The following KAZN variants were observed in gnomAD, a reference collection of about 807,000 sequenced individuals.
The protein encoded by KAZN is kazrin.
In KAZN, 40 loss-of-function variants were observed where a neutral mutation model predicts 87.4. The ratio of observed to expected loss-of-function variants is 0.46; its 90% CI spans 0.36 to 0.60. KAZN has a LOEUF of 0.60. KAZN is among the 20% of genes least tolerant of loss of function. KAZN has a pLI of 0.00. For missense variants in KAZN, 898 were observed against 1,073.9 expected, an observed-to-expected ratio of 0.84 and a Z score of 2.29; for synonymous variants, 466 against 458.3, an observed-to-expected ratio of 1.02 and a Z score of -0.22.
intron 1 of KAZN, among the ~76,000 whole-genome samples, chr1:14,155,636 TTTC>T (rs369190328): frequency 0.028 from 4,270 of 151,488 alleles, 175 homozygotes; most frequent in African/African-American, 0.092. Context: ...ATTTGGTATT[TTTC>T]TTCTTCTTCT....
chr1:14,352,473 A>C (rs1342534120), intron 2 of KAZN, among the ~76,000 whole-genome samples: 1 of 152,186 alleles, frequency 6.6e-6, no homozygotes, highest in Non-Finnish European at 1.5e-5. Context: ...TCATACTCTG[A>C]ACCCTATAAA....
At position 15,066,155 on chromosome 1, in the gene KAZN, GT is replaced by G. The variant is rs1002604422; in HGVS notation, c.1222+409del. The G allele has an allele frequency of 3.2e-4, 330 of 1,032,302 alleles. 1 individual carries two copies. The African/African-American group carries it at 5.1e-3, about 16-fold the overall frequency. 63.9% of individuals were successfully genotyped at this position (1,032,302 alleles called of 1,614,324 possible). A position where few individuals can be genotyped will look rare whatever the true frequency, so the allele number is the denominator to read the frequency against. ...GGTTCGTCGGTTTGTTTTTGTTTTT[GT>G]TTTTTTCCCCCTTTCTCCTCCCCTC... is the stretch of plus-strand genomic sequence containing the variant. On this transcript the variant is annotated intron_variant, in intron 8 of 14. Transcript: ENST00000376030. This position sits in a 1 kb window ranked among gnomAD's most constrained non-coding sequence, Gnocchi z 4.3.
chr1:13,934,516 A>G (rs1640647645), intron 1 of KAZN, among the ~76,000 whole-genome samples: 1 of 152,154 alleles, frequency 6.6e-6, no homozygotes, highest in Admixed American at 6.5e-5. Flanking sequence ...AATCTCCTTC[A>G]CTGATACCCA....
intron 1 of KAZN, among the ~76,000 whole-genome samples, chr1:13,953,149 C>T (rs1022555644): frequency 1.3e-5 from 2 of 152,044 alleles, no homozygotes; most frequent in Non-Finnish European, 2.9e-5. Flanking sequence ...TCAGAGCTTC[C>T]GCAGTTCTTC....
At chr1:14,801,208 G>A (rs1038874801) in intron 1 of KAZN, among the ~76,000 whole-genome samples, 1 of 152,108 alleles carries the variant, frequency 6.6e-6, no homozygotes, top group Non-Finnish European at 1.5e-5. Context: ...CCGTCTCAGG[G>A]TGTTTCAGCA....
chr1:14,169,565 T>C (rs1160540), intron 1 of KAZN, among the ~76,000 whole-genome samples: 18,721 of 152,142 alleles, frequency 0.12, 1,277 homozygotes, highest in East Asian at 0.33. Flanking sequence ...CAGGGGCTGA[T>C]TCCCAGTGAG....
intron 2 of KAZN, among the ~76,000 whole-genome samples, chr1:14,539,530 G>A (rs55759200): frequency 0.12 from 17,488 of 152,038 alleles, 1,224 homozygotes; most frequent in East Asian, 0.15. Flanking sequence ...GGAATTCTGC[G>A]TCCTCTCTCT....
intron 2 of KAZN, among the ~76,000 whole-genome samples, chr1:14,259,387 G>C (rs1318581553): frequency 6.6e-6 from 1 of 152,152 alleles, no homozygotes; most frequent in Non-Finnish European, 1.5e-5. Context: ...GCCGAGCTGG[G>C]ACGGCGGCCA....
intron 1 of KAZN, among the ~76,000 whole-genome samples, chr1:14,892,049 C>G (rs1030349440): frequency 6.6e-6 from 1 of 152,168 alleles, no homozygotes; most frequent in Non-Finnish European, 1.5e-5. Flanking sequence ...CCTCCTGCCT[C>G]TGGCCTCTGG....
chr1:14,580,430 G>A (rs1287350676), intron 2 of KAZN, among the ~76,000 whole-genome samples: 3 of 152,074 alleles, frequency 2.0e-5, no homozygotes, highest in Non-Finnish European at 2.9e-5. Context: ...AGCCGAGATC[G>A]TGCCATTGCA....
chr1:14,741,948 T>G (rs1401985189), intron 1 of KAZN, among the ~76,000 whole-genome samples: 1 of 152,120 alleles, frequency 6.6e-6, no homozygotes, highest in African/African-American at 2.4e-5. Context: ...GGTTGTTTTT[T>G]TTTGGGTTGT....
chr1:14,054,510 A>C (rs888734406), intron 1 of KAZN, among the ~76,000 whole-genome samples: 1 of 152,220 alleles, frequency 6.6e-6, no homozygotes, highest in Admixed American at 6.5e-5. Flanking sequence ...AAAACATTCT[A>C]TCTCAGTAAA....
Position 14,294,763 on chromosome 1 carries a change from C to T in KAZN, c.249+114171C>T, listed in dbSNP as rs1048707115. 9.9e-5 allele frequency among the ~76,000 whole-genome samples: 15 copies of T among 151,324 alleles called. No homozygotes were observed. The South Asian group carries it at 2.1e-3, about 21-fold the overall frequency. On this transcript the variant is annotated intron_variant, in intron 2 of 16. Transcript: ENST00000636203. ...CCAATATAAAATGCCTAAAACCCCA[C>T]GAATTCTATATATTTCACTCATGAG...
At chr1:15,022,364 C>T (rs1177031460) in intron 2 of KAZN, among the ~76,000 whole-genome samples, 1 of 152,218 alleles carries the variant, frequency 6.6e-6, no homozygotes, top group African/African-American at 2.4e-5. Context: ...GCATGGTTAA[C>T]CGGAGTTTTG....
chr1:14,257,666 T>A (rs1169257074), intron 2 of KAZN, among the ~76,000 whole-genome samples: 11 of 149,814 alleles, frequency 7.3e-5, no homozygotes. Context: ...AAGGAAGGGA[T>A]CCAGTTTCAG....
At chr1:13,918,125 C>T (rs537768005) in intron 1 of KAZN, among the ~76,000 whole-genome samples, 15 of 152,316 alleles carry the variant, frequency 9.8e-5, no homozygotes, top group East Asian at 3.9e-4. Context: ...TTAAGATGTA[C>T]GCTCTGTAAG....
chr1:15,116,599 T>C lies in KAZN; in HGVS notation c.*1964T>C, dbSNP rs980370639. On this transcript the variant is annotated 3_prime_UTR_variant, in exon 15 of 15. Transcript: ENST00000376030. ...CAGTCCACAGCTCAGAAAGGAGAGG[T>C]GAGACCTCCCTCCAACCTGGTGCCA... The C allele has an allele frequency of 1.7e-4, 26 of 152,158 alleles. No homozygotes were observed. The highest frequency in any genetic ancestry group is 5.8e-4 in the African/African-American group (24 of 41,494). 9.4% of individuals were successfully genotyped at this position (152,158 alleles called of 1,614,324 possible).
At chr1:14,956,298 T>TG (rs1220817941) in intron 1 of KAZN, among the ~76,000 whole-genome samples, 2 of 82,488 alleles carry the variant, frequency 2.4e-5, no homozygotes, top group East Asian at 5.2e-4. Context: ...CAGAAGTCAC[T>TG]GAAAAAAAAA....
intron 2 of KAZN, among the ~76,000 whole-genome samples, chr1:14,466,767 G>A (rs995202895): frequency 3.3e-5 from 5 of 151,960 alleles, no homozygotes; most frequent in East Asian, 3.9e-4. Flanking sequence ...AGGAGATGGA[G>A]ACCATCCTGG....
Sources: allele counts gnomAD v4.1 joint callset (sites outside exome capture counted in the v4.1 genomes callset), GRCh38; gene constraint gnomAD v4.1.1; non-coding constraint Gnocchi (gnomAD v3.1); transcripts MANE v1.5; gene names NCBI Gene and HGNC (gene_info 2026-07-23, HGNC 2026-07-21).